NAPEPLD: variants seen among roughly 807,000 people sequenced by gnomAD.
NAPEPLD encodes N-acyl-phosphatidylethanolamine-hydrolyzing phospholipase D.
A neutral mutation model predicts 38.1 loss-of-function variants in NAPEPLD; 23 were observed. The ratio of observed to expected loss-of-function variants is 0.60; its 90% CI spans 0.43 to 0.86. The LOEUF (loss-of-function observed/expected upper bound fraction) is 0.86. NAPEPLD is among the 40% of genes least tolerant of loss of function. The probability of loss-of-function intolerance (pLI) is 0.00; values close to 1 mark genes in which losing one functional copy is unlikely to be tolerated. For missense variants in NAPEPLD, 411 were observed against 476.8 expected (o/e 0.86, Z 1.28); for synonymous variants, 147 against 162.0 (o/e 0.91, Z 0.71).
chr7:103,110,271 CAG>C (rs954467156), intron 4 of NAPEPLD, among the ~76,000 whole-genome samples: 2 of 152,226 alleles, frequency 1.3e-5, no homozygotes, highest in African/African-American at 4.8e-5. Context: ...CAAAACCTGG[CAG>C]AGACACAACA....
intron 4 of NAPEPLD, among the ~76,000 whole-genome samples, chr7:103,108,145 T>A (rs1352728848): frequency 2.1e-4 from 2 of 9,688 alleles, no homozygotes; most frequent in Non-Finnish European, 0.034. Flanking sequence ...TTTTTTTTTT[T>A]TTTTTTTTTT....
chr7:103,142,241 G>A (rs1811560587), intron 1 of NAPEPLD, among the ~76,000 whole-genome samples: 2 of 152,178 alleles, frequency 1.3e-5, no homozygotes, highest in South Asian at 4.1e-4. Context: ...AGCACTCCAA[G>A]TTAGAGAGGC....
rs1802278119 is a variant in NAPEPLD at position 103,100,719 on chromosome 7, A to C, written c.*2710T>G. 6.6e-6 allele frequency: 1 copy of C among 152,236 alleles called. No homozygotes were observed. Among genetic ancestry groups the C allele is most frequent in the African/African-American group, 2.4e-5 (1 of 41,470 alleles). The allele number at this position is 152,236 out of a possible 1,614,324, so 9.4% of individuals were successfully genotyped here. On this transcript the variant is annotated 3_prime_UTR_variant, in exon 5 of 5. Transcript: ENST00000465647. ...CTACAATGCATATTAGACTGAATTG[A>C]AGAAGAGAATGGATTTGTCTTATTT... is the stretch of plus-strand genomic sequence containing the variant.
chr7:103,134,814 A>G (rs75005419), intron 1 of NAPEPLD, among the ~76,000 whole-genome samples: 7,547 of 152,258 alleles, frequency 0.05, 283 homozygotes, highest in South Asian at 0.13. Flanking sequence ...TCTCCAACCA[A>G]AGAGAGGTCT....
chr7:103,140,541 C>G (rs374209342), intron 1 of NAPEPLD, among the ~76,000 whole-genome samples: 2 of 151,844 alleles, frequency 1.3e-5, no homozygotes, highest in East Asian at 1.9e-4. Context: ...TACAGGAGCC[C>G]GCCACCACGC....
chr7:103,102,723 G>C lies in NAPEPLD; in HGVS notation c.*706C>G, dbSNP rs997670119. 2.6e-5 allele frequency: 4 copies of C among 152,386 alleles called. No individual in the cohort carries two copies. The highest frequency in any genetic ancestry group is 9.7e-5 in the African/African-American group (4 of 41,426). The allele number at this position is 152,386 out of a possible 1,614,324, so 9.4% of individuals were successfully genotyped here. A position where few individuals can be genotyped will look rare whatever the true frequency, so the allele number is the denominator to read the frequency against. ...CTTTTAAAAATTTAAGTGAATGGTG[G>C]TCATGGGTGCATTAATGCGAAAGAA... On this transcript the variant is annotated 3_prime_UTR_variant, in exon 5 of 5. Transcript: ENST00000465647.
chr7:103,149,119 C>T (rs1003222192), upstream of NAPEPLD: 2 of 986,798 alleles, frequency 2.0e-6, no homozygotes, highest in Non-Finnish European at 2.4e-6. Context: ...CGCCCAGAGA[C>T]CGTGGAGGAG....
At chr7:103,142,063 G>C (rs778548925) in intron 1 of NAPEPLD, 13 of 585,734 alleles carry the variant, frequency 2.2e-5, no homozygotes, top group Non-Finnish European at 3.0e-5. Flanking sequence ...AAGTTCTGTG[G>C]GTGTTTCTGA....
intron 2 of NAPEPLD, 136 bp from the exon 3 acceptor site, chr7:103,120,359 C>A (rs1427610103): frequency 1.1e-6 from 1 of 920,730 alleles, no homozygotes; most frequent in Admixed American, 3.2e-5. Context: ...AAACTTGCTA[C>A]ACTTTTGCTT....
chr7:103,108,805 A>C (rs1240058393), intron 4 of NAPEPLD, among the ~76,000 whole-genome samples: 1 of 152,242 alleles, frequency 6.6e-6, no homozygotes, highest in African/African-American at 2.4e-5. Context: ...TAAACTGGAT[A>C]AAGAGTCAAG....
chr7:103,118,673 C>T (rs1806023822), intron 3 of NAPEPLD, among the ~76,000 whole-genome samples: 1 of 152,160 alleles, frequency 6.6e-6, no homozygotes, highest in African/African-American at 2.4e-5. Flanking sequence ...TTATCCATTG[C>T]TTTGTTACTA....
intron 1 of NAPEPLD, among the ~76,000 whole-genome samples, chr7:103,131,699 G>A (rs928171859): frequency 3.3e-5 from 5 of 151,738 alleles, no homozygotes; most frequent in Non-Finnish European, 5.9e-5. Flanking sequence ...TGTGAAAGTC[G>A]AGACTATAGA....
At chr7:103,149,570 C>T, upstream of NAPEPLD, 3 of 1,084,598 alleles carry the variant, frequency 2.8e-6, no homozygotes, top group Non-Finnish European at 3.6e-6. Flanking sequence ...CAGGCTGCCT[C>T]TCCAGCCCTT....
At chr7:103,149,708 A>G (rs148137296), upstream of NAPEPLD, 577 of 249,578 alleles carry the variant, frequency 2.3e-3, 4 homozygotes, top group African/African-American at 0.013. Flanking sequence ...CCTAAGATCA[A>G]ATTGGTTCCC....
intron 1 of NAPEPLD, chr7:103,141,257 TTTTTTTTTG>T: frequency 7.3e-6 from 2 of 273,064 alleles, no homozygotes; most frequent in Non-Finnish European, 1.4e-5. Flanking sequence ...TTTTTTTTTT[TTTTTTTTTG>T]CAAGCAGATA....
intron 4 of NAPEPLD, among the ~76,000 whole-genome samples, chr7:103,112,041 C>G (rs1453401111): frequency 6.6e-6 from 1 of 151,238 alleles, no homozygotes; most frequent in African/African-American, 2.4e-5. Context: ...AAATGCAAAT[C>G]AAAACCATAT....
intron 1 of NAPEPLD, chr7:103,141,875 A>G: frequency 9.8e-7 from 1 of 1,024,710 alleles, no homozygotes; most frequent in South Asian, 1.3e-5. Context: ...GTCTAACCAG[A>G]TATTCTTCTT....
At chr7:103,139,494 A>G (rs536670707) in intron 1 of NAPEPLD, among the ~76,000 whole-genome samples, 1 of 152,226 alleles carries the variant, frequency 6.6e-6, no homozygotes, top group South Asian at 2.1e-4. Flanking sequence ...TTAAGTGCTG[A>G]GCGGTCCACA....
At chr7:103,145,804 C>T (rs183930056) in intron 1 of NAPEPLD, among the ~76,000 whole-genome samples, 5 of 151,816 alleles carry the variant, frequency 3.3e-5, no homozygotes, top group African/African-American at 9.7e-5. Context: ...CACTTGGAAC[C>T]GAAGGGGCAT....
Sources: gnomAD v4.1 joint callset for allele counts (sites outside exome capture counted in the v4.1 genomes callset) on GRCh38, gnomAD v4.1.1 for gene constraint, MANE v1.5 for transcripts, NCBI Gene and HGNC (gene_info 2026-07-23, HGNC 2026-07-21) for gene names.